C11orf65: variants seen among roughly 807,000 people sequenced by gnomAD.
C11orf65 encodes chromosome 11 open reading frame 65, also known as protein MFI.
C11orf65 carries 38 observed loss-of-function variants against 35.3 expected under a neutral mutation model. The observed-to-expected ratio is 1.08, with a 90% CI of 0.83 to 1.41. The LOEUF is 1.41. Among genes scored for constraint, C11orf65 ranks in the 40% most tolerant of loss-of-function variants. C11orf65 has a pLI of 0.00. For missense variants in C11orf65, 370 were observed against 367.1 expected, an observed-to-expected ratio of 1.01 and a Z score of -0.06; for synonymous variants, 105 against 114.4, an observed-to-expected ratio of 0.92 and a Z score of 0.53.
At chr11:108,316,843 G>A (rs966747749) in intron 6 of C11orf65, among the ~76,000 whole-genome samples, 4 of 151,468 alleles carry the variant, frequency 2.6e-5, no homozygotes, top group African/African-American at 4.9e-5. Context: ...GGAGAATGGC[G>A]TGAACCTGGG....
In C11orf65 at chr11:108,383,194, T is replaced by A. The variant is rs745653371; in HGVS notation, c.788-19A>T. ...CTGAATCCTAAAGAGAAGTGACAAATGATTAGAAAGATACCAGATATAATA... is the reference window on the plus strand; with the variant it reads ...CTGAATCCTAAAGAGAAGTGACAAAAGATTAGAAAGATACCAGATATAATA... On this transcript the variant is annotated intron_variant, in intron 8 of 8. Coordinates refer to ENST00000393084, the MANE Select transcript of C11orf65 (RefSeq NM_152587.5). 3 of 1,550,536 alleles carry A rather than the reference T, an allele frequency of 1.9e-6. No individual in the cohort carries two copies. The Admixed American group carries it at 6.0e-5, about 31-fold the overall frequency.
At chr11:108,413,188 A>G (rs2092684785) in intron 3 of C11orf65, among the ~76,000 whole-genome samples, 1 of 152,154 alleles carries the variant, frequency 6.6e-6, no homozygotes, top group Non-Finnish European at 1.5e-5. Flanking sequence ...ACACCTTAAT[A>G]CACTTTTTTA....
chr11:108,403,927 T>C (rs1164461193), intron 6 of C11orf65, among the ~76,000 whole-genome samples: 1 of 152,208 alleles, frequency 6.6e-6, no homozygotes, highest in Non-Finnish European at 1.5e-5. Flanking sequence ...TGAGTCATCT[T>C]GCTCACCTGA....
chr11:108,446,038 A>G (rs1236994987), intron 2 of C11orf65, among the ~76,000 whole-genome samples: 1 of 150,266 alleles, frequency 6.7e-6, no homozygotes, highest in African/African-American at 2.5e-5. Context: ...GGAAGATGAA[A>G]TGAATGAAAT....
intron 2 of C11orf65, chr11:108,365,298 C>T (rs781724783): frequency 6.2e-7 from 1 of 1,614,182 alleles, no homozygotes; most frequent in Admixed American, 1.7e-5. Context: ...GTTCACCTCA[C>T]TGAAACCTTT....
chr11:108,430,567 G>A (rs1373471310), intron 3 of C11orf65, among the ~76,000 whole-genome samples: 1 of 151,880 alleles, frequency 6.6e-6, no homozygotes, highest in Non-Finnish European at 1.5e-5. Flanking sequence ...GACCAATAAG[G>A]GTACGGTGGT....
chr11:108,430,937 CACACACACAG>C lies in C11orf65; in HGVS notation c.174+799_174+808del, dbSNP rs761826619. Among the ~76,000 whole-genome samples the C allele has an allele frequency of 1.3e-3, 123 of 98,110 alleles. 2 individuals are homozygous for C. Among genetic ancestry groups the C allele is most frequent in the African/African-American group, 4.4e-3 (113 of 25,578 alleles). The allele number at this position is 98,110 out of a possible 152,430, so 64.4% of individuals were successfully genotyped here. On this transcript the variant is annotated intron_variant, in intron 3 of 8. Coordinates refer to ENST00000393084, the MANE Select transcript of C11orf65 (RefSeq NM_152587.5). ...ACACACACACACACACACACACACA[CACACACACAG>C]AGGAGAGTTGAATAAGCACTTTCCA...
intron 2 of C11orf65, among the ~76,000 whole-genome samples, chr11:108,453,159 A>G (rs1243149755): frequency 1.4e-5 from 2 of 147,326 alleles, no homozygotes; most frequent in African/African-American, 4.9e-5. Flanking sequence ...AAAAAAAAAG[A>G]AAAAAGAAAA....
Position 108,431,806 on chromosome 11 carries a change from C to A in C11orf65, c.114G>T (p.Leu38=). The A allele has an allele frequency of 6.6e-7, 1 of 1,525,138 alleles. No homozygotes were observed. Among genetic ancestry groups the A allele is most frequent in the Non-Finnish European group, 8.9e-7 (1 of 1,122,042 alleles). 94.5% of individuals were successfully genotyped at this position (1,525,138 alleles called of 1,614,324 possible). Residue 38 remains leucine, a synonymous_variant, in exon 3 of 9, where the codon CTG becomes CTT. Transcript: ENST00000393084. ...GTTCTCCTTGTCTTCTTAAATCAAT[C>A]AGACTTTTAAAGTGTTGAAATATAG... ...NVAIFQHFKS[L]IDLRRQGEPR... is the part of the protein sequence containing the mutation.
intron 7 of C11orf65, 113 bp from the exon 8 acceptor site, chr11:108,386,088 T>A: frequency 2.4e-6 from 2 of 832,942 alleles, no homozygotes; most frequent in Non-Finnish European, 3.9e-6. Context: ...GCATGTTCAC[T>A]AGCCTCCATG....
downstream of C11orf65, chr11:108,330,319 C>T (rs2086124656): frequency 6.2e-7 from 1 of 1,614,004 alleles, no homozygotes; most frequent in South Asian, 1.1e-5. Context: ...AAAATTATAT[C>T]AACTGCTTAT....
At chr11:108,431,045 A>G (rs1407268475) in intron 3 of C11orf65, among the ~76,000 whole-genome samples, 1 of 152,142 alleles carries the variant, frequency 6.6e-6, no homozygotes, top group Non-Finnish European at 1.5e-5. Context: ...GTAAAGCACT[A>G]AGAATACCAA....
At position 108,461,543 on chromosome 11, in the gene C11orf65, T is replaced by C; in HGVS notation, c.17A>G (p.Glu6Gly). The C allele has an allele frequency of 6.2e-7, 1 of 1,608,498 alleles. No individual in the cohort carries two copies. Among genetic ancestry groups the C allele is most frequent in the Non-Finnish European group, 8.5e-7 (1 of 1,177,102 alleles). Reference sequence around the variant, plus strand: ...CTTATCCTGCTTTGTAAATTCTGATTCCTCTTTCCAAGGCATTTGAAATTC... The same window carrying C: ...CTTATCCTGCTTTGTAAATTCTGATCCCTCTTTCCAAGGCATTTGAAATTC... MPWKE[E>G]SEFTKQDKAA... Residue 6 changes from glutamate (E) to glycine (G), a missense_variant, in exon 2 of 9, where the codon GAA becomes GGA. Glu to Gly is a moderately conservative substitution (Grantham distance 98). Coordinates refer to ENST00000393084, the MANE Select transcript of C11orf65 (RefSeq NM_152587.5).
At chr11:108,348,600 T>C (rs918925034) in intron 2 of C11orf65, among the ~76,000 whole-genome samples, 1 of 152,020 alleles carries the variant, frequency 6.6e-6, no homozygotes, top group Non-Finnish European at 1.5e-5. Flanking sequence ...GAAGTGTGAA[T>C]GTAATGACAA....
intron 2 of C11orf65, chr11:108,336,035 GC>G (rs776105166): frequency 4.8e-5 from 56 of 1,155,812 alleles, no homozygotes; most frequent in Non-Finnish European, 7.1e-5. Context: ...AGTGGCTCAT[GC>G]CCATATTCAT....
chr11:108,389,785 C>T (rs1447377097), intron 7 of C11orf65, among the ~76,000 whole-genome samples: 2 of 149,960 alleles, frequency 1.3e-5, no homozygotes, highest in African/African-American at 2.5e-5. Flanking sequence ...TGGCATGAAT[C>T]GTGGGTTCAT....
At chr11:108,407,039 T>C (rs552980651) in intron 4 of C11orf65, 57 bp downstream of exon 4, 34 of 1,573,586 alleles carry the variant, frequency 2.2e-5, no homozygotes, top group Non-Finnish European at 3.0e-5. Flanking sequence ...ATTACATTGT[T>C]TCAATTTCAT....
intron 2 of C11orf65, among the ~76,000 whole-genome samples, chr11:108,434,946 C>A (rs991169959): frequency 1.2e-4 from 19 of 152,112 alleles, no homozygotes; most frequent in Admixed American, 1.3e-4. Context: ...AGTAACTGGC[C>A]TGATAGAATA....
At chr11:108,364,982 C>A (rs2137854564) in intron 2 of C11orf65, 1 of 1,380,440 alleles carries the variant, frequency 7.2e-7, no homozygotes, top group Non-Finnish European at 1.0e-6. Context: ...CCATCAACTA[C>A]CATGTGACTG....
Sources: allele counts gnomAD v4.1 joint callset (sites outside exome capture counted in the v4.1 genomes callset), GRCh38; gene constraint gnomAD v4.1.1; transcripts MANE v1.5; gene names NCBI Gene and HGNC (gene_info 2026-07-23, HGNC 2026-07-21).